The following LSAMP variants were observed in gnomAD, a reference collection of about 807,000 sequenced individuals.
LSAMP encodes limbic system-associated membrane protein.
In LSAMP, 7 loss-of-function variants were observed where a neutral mutation model predicts 38.6. The observed-to-expected ratio is 0.18, with a 90% CI of 0.10 to 0.34. The LOEUF (loss-of-function observed/expected upper bound fraction) is 0.34, where lower values mean the gene tolerates loss of function less well. LSAMP is among the 10% of genes least tolerant of loss of function. The pLI is 1.00. For synonymous variants in LSAMP, 154 were observed against 166.8 expected (o/e 0.92, Z 0.59); for missense variants, 313 against 420.0 (o/e 0.75, Z 2.23).
At chr3:116,247,306 GACCA>G (rs1383590602) in intron 1 of LSAMP, among the ~76,000 whole-genome samples, 1 of 152,108 alleles carries the variant, frequency 6.6e-6, no homozygotes, top group African/African-American at 2.4e-5. Flanking sequence ...TACTCTATCA[GACCA>G]GAGCCTTTCT....
chr3:116,254,656 T>C (rs1490808183), intron 1 of LSAMP, among the ~76,000 whole-genome samples: 3 of 152,164 alleles, frequency 2.0e-5, no homozygotes, highest in South Asian at 2.1e-4. Flanking sequence ...TCATCAGAAC[T>C]GGAAAAAGCC....
At chr3:116,422,115 T>C (rs893417994) in intron 1 of LSAMP, among the ~76,000 whole-genome samples, 2 of 152,190 alleles carry the variant, frequency 1.3e-5, no homozygotes, top group African/African-American at 4.8e-5. Flanking sequence ...AGCAAACTAT[T>C]AAGTCATGCT....
chr3:116,292,618 TACG>T (rs2047282686), intron 1 of LSAMP, among the ~76,000 whole-genome samples: 1 of 152,172 alleles, frequency 6.6e-6, no homozygotes, highest in Non-Finnish European at 1.5e-5. Context: ...TTTACAAATG[TACG>T]ATTTTGTTTA....
chr3:116,078,489 C>A (rs1449123005), intron 2 of LSAMP, among the ~76,000 whole-genome samples: 3 of 151,748 alleles, frequency 2.0e-5, no homozygotes, highest in Non-Finnish European at 4.4e-5. Context: ...CAACACCCAG[C>A]TAAGTTTTTT....
intron 2 of LSAMP, among the ~76,000 whole-genome samples, chr3:116,034,174 A>C (rs956152553): frequency 2.6e-5 from 4 of 152,086 alleles, no homozygotes; most frequent in African/African-American, 9.7e-5. Flanking sequence ...ACAGTCAGTT[A>C]AGGTACCTGA....
intron 1 of LSAMP, among the ~76,000 whole-genome samples, chr3:116,296,924 C>T (rs997121715): frequency 1.3e-5 from 2 of 152,064 alleles, no homozygotes; most frequent in Admixed American, 1.3e-4. Flanking sequence ...AAATGACAAG[C>T]CCCAGATCAT....
chr3:116,057,352 G>A (rs933394905), intron 2 of LSAMP, among the ~76,000 whole-genome samples: 3 of 152,176 alleles, frequency 2.0e-5, no homozygotes, highest in African/African-American at 7.2e-5. Flanking sequence ...ATGTAGAGTT[G>A]TCTTTCACTT....
chr3:116,307,071 G>T (rs934881840), intron 1 of LSAMP, among the ~76,000 whole-genome samples: 3 of 151,996 alleles, frequency 2.0e-5, no homozygotes, highest in Non-Finnish European at 2.9e-5. Flanking sequence ...AGCAAGAAAA[G>T]AGATATATAA....
intron 4 of LSAMP, among the ~76,000 whole-genome samples, chr3:115,848,142 GA>G (rs1935219776): frequency 6.6e-6 from 1 of 152,220 alleles, no homozygotes; most frequent in South Asian, 2.1e-4. Flanking sequence ...TGAAAAGCTA[GA>G]GAAGCTGGCC....
chr3:115,964,874 G>A (rs1938747352), intron 3 of LSAMP, among the ~76,000 whole-genome samples: 1 of 152,014 alleles, frequency 6.6e-6, no homozygotes, highest in Admixed American at 6.5e-5. Flanking sequence ...AAACATTATT[G>A]AAAGCCATTA....
intron 1 of LSAMP, among the ~76,000 whole-genome samples, chr3:116,320,694 C>T (rs150957307): frequency 2.6e-5 from 4 of 152,238 alleles, no homozygotes; most frequent in South Asian, 2.1e-4. Flanking sequence ...ACTGTCCTCT[C>T]GACATATTTA....
At chr3:116,087,918 A>T (rs572789941) in intron 1 of LSAMP, among the ~76,000 whole-genome samples, 8 of 148,504 alleles carry the variant, frequency 5.4e-5, no homozygotes, top group Middle Eastern at 3.4e-3. Flanking sequence ...TTTTTGAGAC[A>T]GATCTTGTTC....
At position 116,029,396 on chromosome 3, in the gene LSAMP, A is replaced by G. The variant is rs116078265; in HGVS notation, c.389-9756T>C. Among the ~76,000 whole-genome samples, 248 of 152,258 alleles carry G rather than the reference A, an allele frequency of 1.6e-3. 1 individual carries two copies. The highest frequency in any genetic ancestry group is 5.9e-3 in the African/African-American group (244 of 41,562). On this transcript the variant is annotated intron_variant, in intron 2 of 6. Transcript: ENST00000490035. Reference sequence around the variant, plus strand: ...AAATACAGAAACTATAGCTTCTTTGAGTGTCAGGTGAAGCTGAGGGTAGAA... The same window carrying G: ...AAATACAGAAACTATAGCTTCTTTGGGTGTCAGGTGAAGCTGAGGGTAGAA...
intron 3 of LSAMP, among the ~76,000 whole-genome samples, chr3:115,979,304 G>A (rs753819815): frequency 1.3e-5 from 2 of 151,952 alleles, no homozygotes; most frequent in Admixed American, 6.6e-5. Context: ...AGTTTAAAGA[G>A]GAGAAAAGGA....
At chr3:116,259,419 G>A (rs2046796213) in intron 1 of LSAMP, among the ~76,000 whole-genome samples, 2 of 152,204 alleles carry the variant, frequency 1.3e-5, no homozygotes, top group African/African-American at 4.8e-5. Flanking sequence ...GAAGAATTTA[G>A]ACCGGTTCAT....
intron 2 of LSAMP, among the ~76,000 whole-genome samples, chr3:116,051,662 G>A (rs1941399146): frequency 6.6e-6 from 1 of 152,118 alleles, no homozygotes; most frequent in Non-Finnish European, 1.5e-5. Context: ...TTTACAGAAA[G>A]TAGAAAGTTT....
intron 1 of LSAMP, among the ~76,000 whole-genome samples, chr3:116,313,277 T>G (rs2047583037): frequency 1.3e-5 from 2 of 152,204 alleles, no homozygotes; most frequent in African/African-American, 2.4e-5. Context: ...GCCCTTCTGC[T>G]GATGAAACTT....
chr3:116,391,875 G>T (rs1258128287), intron 1 of LSAMP, among the ~76,000 whole-genome samples: 1 of 152,018 alleles, frequency 6.6e-6, no homozygotes, highest in African/African-American at 2.4e-5. Flanking sequence ...CTGGGAAGAG[G>T]TTCTCTGCCA....
chr3:116,141,360 G>C (rs912762673), intron 1 of LSAMP, among the ~76,000 whole-genome samples: 2 of 151,572 alleles, frequency 1.3e-5, no homozygotes, highest in African/African-American at 4.8e-5. Context: ...AATGGAGGGG[G>C]GATTGCTTCA....
Sources: allele counts gnomAD v4.1 joint callset (sites outside exome capture counted in the v4.1 genomes callset), GRCh38; gene constraint gnomAD v4.1.1; transcripts MANE v1.5; gene names NCBI Gene and HGNC (gene_info 2026-07-23, HGNC 2026-07-21).